ELF2: variants seen among roughly 807,000 people sequenced by gnomAD.
ELF2 encodes E74 like ETS transcription factor 2, also known as ETS-related transcription factor Elf-2.
A neutral mutation model predicts 54.8 loss-of-function variants in ELF2; 11 were observed. The ratio of observed to expected loss-of-function variants is 0.20; its 90% CI spans 0.13 to 0.33. The LOEUF (loss-of-function observed/expected upper bound fraction) is 0.33, where lower values mean the gene tolerates loss of function less well. ELF2 is among the 10% of genes least tolerant of loss of function. ELF2 has a pLI of 1.00. For missense variants in ELF2, 513 were observed against 703.0 expected (o/e 0.73, Z 3.06); for synonymous variants, 203 against 245.1 (o/e 0.83, Z 1.61).
Position 139,137,927 on chromosome 4 carries a change from G to C in ELF2, c.-166-60C>G. ...AAATTACAGGAAGGACATAAATAAA[G>C]CATAACTTATTGTGCAATCTAATTT... On this transcript the variant is annotated intron_variant, in intron 2 of 9. Coordinates refer to ENST00000686138, the MANE Select transcript of ELF2 (RefSeq NM_001331036.3). The C allele has an allele frequency of 3.5e-6, 4 of 1,146,776 alleles. No homozygotes were observed. The South Asian group carries it at 8.7e-5, about 25-fold the overall frequency. 71.0% of individuals were successfully genotyped at this position (1,146,776 alleles called of 1,614,324 possible).
chr4:139,149,406 T>A (rs182534780), intron 1 of ELF2, among the ~76,000 whole-genome samples: 1 of 152,108 alleles, frequency 6.6e-6, no homozygotes, highest in African/African-American at 2.4e-5. Context: ...GGTCAGGAGT[T>A]TGAGACCAGC....
intron 1 of ELF2, among the ~76,000 whole-genome samples, chr4:139,140,108 T>G (rs913413361): frequency 1.3e-5 from 2 of 152,132 alleles, no homozygotes; most frequent in African/African-American, 4.8e-5. Flanking sequence ...TATTTCTTAC[T>G]TTTTACTTTT....
At chr4:139,115,465 GGCGAGGGCA>G in intron 4 of ELF2, 33 of 922,018 alleles carry the variant, frequency 3.6e-5, no homozygotes, top group Non-Finnish European at 4.3e-5. Flanking sequence ...AGCTCGCCGC[GGCGAGGGCA>G]GCGGCGGGGG....
chr4:139,107,755 T>C (rs541516864), intron 4 of ELF2, among the ~76,000 whole-genome samples: 50 of 152,140 alleles, frequency 3.3e-4, no homozygotes, highest in Non-Finnish European at 4.9e-4. Flanking sequence ...CATGTGAATG[T>C]TGGAAAGGTA....
intron 4 of ELF2, chr4:139,116,586 A>G (rs934340091): frequency 3.7e-6 from 3 of 806,504 alleles, no homozygotes; most frequent in Non-Finnish European, 3.0e-6. Flanking sequence ...GTAAAGGTAG[A>G]TGAAATAATT....
chr4:139,134,266 C>T (rs1246873011), intron 3 of ELF2, among the ~76,000 whole-genome samples: 2 of 151,798 alleles, frequency 1.3e-5, no homozygotes, highest in South Asian at 2.1e-4. Context: ...TCACTTGATT[C>T]ATTAAACTTA....
chr4:139,122,244 A>C lies in ELF2; in HGVS notation c.238+2920T>G, dbSNP rs72949659. 7.3e-3 allele frequency among the ~76,000 whole-genome samples: 1,117 copies of C among 152,250 alleles called. 20 individuals are homozygous for C. The highest frequency in any genetic ancestry group is 0.025 in the African/African-American group (1,054 of 41,558). The stretch of plus-strand genomic sequence containing the variant: ...TTCTATACAGATCTCAATTCCCCCA[A>C]TTCACCAAATAAAATCTGCCATCTT... On this transcript the variant is annotated intron_variant, in intron 4 of 9. Coordinates refer to ENST00000686138, the MANE Select transcript of ELF2 (RefSeq NM_001331036.3).
intron 4 of ELF2, chr4:139,084,351 C>T (rs1397171132): frequency 6.6e-7 from 1 of 1,506,446 alleles, no homozygotes; most frequent in South Asian, 1.2e-5. Flanking sequence ...GCGCGTCCTC[C>T]GACAGGAAGC....
intron 1 of ELF2, among the ~76,000 whole-genome samples, chr4:139,167,815 T>C (rs775243516): frequency 6.6e-6 from 1 of 152,182 alleles, no homozygotes; most frequent in Non-Finnish European, 1.5e-5. Context: ...ACCAGAGACA[T>C]TCAAACTGCA....
chr4:139,076,646 A>G (rs1252151362), intron 4 of ELF2, among the ~76,000 whole-genome samples: 1 of 152,180 alleles, frequency 6.6e-6, no homozygotes, highest in East Asian at 1.9e-4. Flanking sequence ...TTCAATAATA[A>G]TACAGCAAGA....
At chr4:139,096,026 G>A (rs1449602064) in intron 4 of ELF2, among the ~76,000 whole-genome samples, 4 of 152,040 alleles carry the variant, frequency 2.6e-5, no homozygotes, top group Non-Finnish European at 4.4e-5. Context: ...CAGGAGAATC[G>A]CTTAAACCCG....
chr4:139,135,279 G>GTGTGTGTGTGTGTGTGTGTGTA (rs373283677), intron 3 of ELF2, among the ~76,000 whole-genome samples: 3 of 136,574 alleles, frequency 2.2e-5, no homozygotes, highest in African/African-American at 8.4e-5. Context: ...GTGTGTGTGT[G>GTGTGTGTGTGTGTGTGTGTGTA]TATATATGAA....
At chr4:139,118,254 A>C (rs1735956244) in intron 4 of ELF2, among the ~76,000 whole-genome samples, 1 of 152,226 alleles carries the variant, frequency 6.6e-6, no homozygotes, top group South Asian at 2.1e-4. Flanking sequence ...GATAAAAATA[A>C]TAAAATAATA....
intron 1 of ELF2, among the ~76,000 whole-genome samples, chr4:139,142,990 C>T (rs1738865722): frequency 6.6e-6 from 1 of 151,816 alleles, no homozygotes; most frequent in Admixed American, 6.5e-5. Flanking sequence ...TGAATCCAGG[C>T]TGGAGGATTC....
At chr4:139,103,949 T>C (rs1423693643) in intron 4 of ELF2, among the ~76,000 whole-genome samples, 1 of 152,234 alleles carries the variant, frequency 6.6e-6, no homozygotes, top group Non-Finnish European at 1.5e-5. Flanking sequence ...CCCAGTTTAA[T>C]ATAAAACATA....
intron 1 of ELF2, among the ~76,000 whole-genome samples, chr4:139,147,860 C>T (rs1739404926): frequency 6.7e-6 from 1 of 149,406 alleles, no homozygotes; most frequent in Non-Finnish European, 1.5e-5. Flanking sequence ...GATCTCGGCT[C>T]ACCGCAACCT....
At chr4:139,144,556 T>G (rs541949042) in intron 1 of ELF2, among the ~76,000 whole-genome samples, 48 of 152,288 alleles carry the variant, frequency 3.2e-4, no homozygotes, top group African/African-American at 1.2e-3. Flanking sequence ...AGAAGTTGGG[T>G]GCTCTGGCAT....
At chr4:139,161,638 T>C (rs997443163) in intron 1 of ELF2, among the ~76,000 whole-genome samples, 5 of 117,204 alleles carry the variant, frequency 4.3e-5, no homozygotes, top group Non-Finnish European at 6.7e-5. Flanking sequence ...ACAAATAGTC[T>C]ACGTAAAACT....
chr4:139,069,959 G>C (rs1729277407), intron 6 of ELF2, among the ~76,000 whole-genome samples: 1 of 151,680 alleles, frequency 6.6e-6, no homozygotes, highest in South Asian at 2.1e-4. Context: ...TCCTGCCTCA[G>C]CCTCCCGAGT....
Sources: allele counts gnomAD v4.1 joint callset (sites outside exome capture counted in the v4.1 genomes callset), GRCh38; gene constraint gnomAD v4.1.1; transcripts MANE v1.5; gene names NCBI Gene and HGNC (gene_info 2026-07-23, HGNC 2026-07-21).